Variants in FANCD2 observed in about 807,000 individuals in gnomAD.
FANCD2 encodes the protein Fanconi anemia group D2 protein.
In FANCD2, 131 loss-of-function variants were observed where a neutral mutation model predicts 192.3. That is an observed-to-expected ratio of 0.68 (90% confidence interval 0.59 to 0.79). FANCD2 has a LOEUF of 0.79. FANCD2 is among the 30% of genes least tolerant of loss of function. The pLI is 0.00. For synonymous variants in FANCD2, 524 were observed against 612.5 expected, an observed-to-expected ratio of 0.86 and a Z score of 2.13; for missense variants, 1,508 against 1,701.6, an observed-to-expected ratio of 0.89 and a Z score of 2.00.
intron 25 of FANCD2, among the ~76,000 whole-genome samples, chr3:10,066,943 T>C (rs1487227376): frequency 6.6e-6 from 1 of 152,194 alleles, no homozygotes. Flanking sequence ...CAGACTGGTC[T>C]CAAACTCCTG....
intron 28 of FANCD2, among the ~76,000 whole-genome samples, chr3:10,073,936 AGTTTTTT>A (rs375085905): frequency 5.3e-5 from 8 of 152,018 alleles, no homozygotes; most frequent in South Asian, 2.1e-4. Flanking sequence ...CTAAGCTCAC[AGTTTTTT>A]GTTTTTTGTT....
Position 10,098,730 on chromosome 3 carries a change from T to C in FANCD2, c.4196T>C (p.Ile1399Thr), listed in dbSNP as rs1369071910. The stretch of plus-strand genomic sequence containing the variant: ...TCCATTCACATTTAGGGTGAAGAGA[T>C]TAAGTCCCAAAATTCCCAGGAGAGC... ...LKNRDLQGEE[I>T]KSQNSQESTA... The change falls in exon 43 of 44, where the codon ATT (isoleucine) becomes ACT (threonine). Residue 1399 changes from isoleucine to threonine, a missense_variant. By Grantham distance (89) the Ile-to-Thr change is moderately conservative. Transcript: ENST00000675286. 2 of 1,614,014 alleles carry C rather than the reference T, an allele frequency of 1.2e-6. No individual in the cohort carries two copies. The highest frequency in any genetic ancestry group is 2.7e-5 in the African/African-American group (2 of 74,910).
chr3:10,067,940 T>C (rs1348687754), intron 26 of FANCD2, among the ~76,000 whole-genome samples: 1 of 152,176 alleles, frequency 6.6e-6, no homozygotes, highest in East Asian at 1.9e-4. Context: ...GATATTTAAA[T>C]TGATGCTTAA....
chr3:10,032,958 G>A lies in FANCD2; in HGVS notation c.191G>A (p.Ser64Asn). ...GGAATTATTCTTAAAACGGGAGAGAGTCAGAATCAACTAGGTAATATTTTA... is the reference window on the plus strand; with the variant it reads ...GGAATTATTCTTAAAACGGGAGAGAATCAGAATCAACTAGGTAATATTTTA... Reference protein sequence around the residue: ...ISGIILKTGESQNQLAVDQIA... With the variant: ...ISGIILKTGENQNQLAVDQIA... The change falls in exon 3 of 44, where the codon AGT becomes AAT. Residue 64 changes from serine (S) to asparagine (N), a missense_variant. Ser to Asn is a conservative substitution (Grantham distance 46). Transcript: ENST00000675286. The A allele has an allele frequency of 6.3e-7, 1 of 1,582,840 alleles. No homozygotes were observed. The highest frequency in any genetic ancestry group is 8.7e-7 in the Non-Finnish European group (1 of 1,151,822).
chr3:10,046,573 A>G lies in FANCD2; in HGVS notation c.1135-7A>G. On this transcript the variant is annotated splice_region_variant and splice_polypyrimidine_tract_variant and intron_variant, in intron 14 of 43. Transcript: ENST00000675286. ...TTTTTCTGTTGTTGCATATTTATTG[A>G]CAATAGGTGTTTGACCTGGTGATGC... The G allele has an allele frequency of 6.2e-7, 1 of 1,614,206 alleles. No homozygotes were observed. Among genetic ancestry groups the G allele is most frequent in the South Asian group, 1.1e-5 (1 of 91,088 alleles).
intron 36 of FANCD2, 24 bp from the exon 37 acceptor site, chr3:10,090,268 A>C (rs779824100): frequency 2.6e-6 from 4 of 1,553,358 alleles, no homozygotes; most frequent in Non-Finnish European, 3.6e-6. Context: ...TGGTGTGGGC[A>C]CGCATGCTTT....
At chr3:10,040,281 C>A (rs553637932) in intron 9 of FANCD2, 2 of 335,434 alleles carry the variant, frequency 6.0e-6, no homozygotes, top group South Asian at 4.8e-5. Flanking sequence ...TGTGATCCGC[C>A]CTCCTCGGCC....
chr3:10,040,660 G>T, intron 9 of FANCD2: 1 of 414,722 alleles, frequency 2.4e-6, no homozygotes, highest in Non-Finnish European at 4.7e-6. Context: ...AATATCCCTA[G>T]GTAATAAAGT....
chr3:10,034,249 C>T (rs557888759), intron 3 of FANCD2, among the ~76,000 whole-genome samples: 135 of 145,496 alleles, frequency 9.3e-4, no homozygotes, highest in Non-Finnish European at 1.5e-3. Flanking sequence ...CATTTGAACC[C>T]AGGAGGCGGA....
At chr3:10,067,067 C>A in intron 25 of FANCD2, 142 bp from the exon 26 acceptor site, 1 of 663,148 alleles carries the variant, frequency 1.5e-6, no homozygotes, top group South Asian at 1.6e-5. Flanking sequence ...TTCTGTATAC[C>A]ACGTTGTTGA....
chr3:10,088,768 A>C, intron 35 of FANCD2, 60 bp from the exon 36 acceptor site: 2 of 1,561,218 alleles, frequency 1.3e-6, no homozygotes, highest in Non-Finnish European at 1.8e-6. Context: ...GAATTAGAGG[A>C]ATCTGTAGTT....
intron 3 of FANCD2, among the ~76,000 whole-genome samples, chr3:10,034,115 A>T (rs1417438053): frequency 6.6e-6 from 1 of 150,782 alleles, no homozygotes; most frequent in African/African-American, 2.4e-5. Flanking sequence ...CGAGGTCAGG[A>T]AATCGAGACC....
At chr3:10,092,926 A>G (rs1164033542) in intron 38 of FANCD2, among the ~76,000 whole-genome samples, 1 of 151,952 alleles carries the variant, frequency 6.6e-6, no homozygotes, top group Non-Finnish European at 1.5e-5. Flanking sequence ...TCCTGGGCTC[A>G]AGTGATCCAC....
At chr3:10,072,756 A>G in intron 26 of FANCD2, 115 bp from the exon 27 acceptor site, 2 of 722,464 alleles carry the variant, frequency 2.8e-6, no homozygotes, top group Non-Finnish European at 5.1e-6. Flanking sequence ...ATAAGCATTC[A>G]GCCATGCTTG....
At chr3:10,076,364 G>C (rs1298646932) in intron 29 of FANCD2, among the ~76,000 whole-genome samples, 1 of 151,684 alleles carries the variant, frequency 6.6e-6, no homozygotes, top group Non-Finnish European at 1.5e-5. Flanking sequence ...ACGCATCTTG[G>C]ATCCACAACT....
chr3:10,066,036 T>C, intron 25 of FANCD2, 57 bp downstream of exon 25: 1 of 1,137,154 alleles, frequency 8.8e-7, no homozygotes, highest in Non-Finnish European at 1.3e-6. Flanking sequence ...TCAAAACTAT[T>C]TTCTTAGTTC....
At chr3:10,085,949 T>A (rs1185697278) in intron 33 of FANCD2, 27 bp downstream of exon 33, 3 of 1,489,366 alleles carry the variant, frequency 2.0e-6, no homozygotes, top group South Asian at 1.1e-5. Flanking sequence ...TAGCCAAGAT[T>A]GTTGTCCCAA....
intron 32 of FANCD2, among the ~76,000 whole-genome samples, chr3:10,085,455 A>ATGGG (rs1349127442): frequency 1.3e-5 from 2 of 149,464 alleles, no homozygotes; most frequent in African/African-American, 5.0e-5. Context: ...GCAGTGGCAC[A>ATGGG]ATCTCGGCTC....
At chr3:10,084,935 A>G (rs1694088749) in intron 32 of FANCD2, among the ~76,000 whole-genome samples, 1 of 143,696 alleles carries the variant, frequency 7.0e-6, no homozygotes, top group Non-Finnish European at 1.5e-5. Context: ...GGATGCAAAA[A>G]AGAACACTCA....
Sources: gnomAD v4.1 joint callset for allele counts (sites outside exome capture counted in the v4.1 genomes callset) on GRCh38, gnomAD v4.1.1 for gene constraint, MANE v1.5 for transcripts, NCBI Gene and HGNC (gene_info 2026-07-23, HGNC 2026-07-21) for gene names.